Variants in DTNA observed in about 807,000 individuals in gnomAD.
The protein encoded by DTNA is dystrobrevin alpha, also known as dystrophin-related protein 3.
A neutral mutation model predicts 100.7 loss-of-function variants in DTNA; 43 were observed. The observed-to-expected ratio is 0.43, with a 90% confidence interval of 0.33 to 0.55. The LOEUF is 0.55. Among genes scored for constraint, DTNA ranks in the 20% least tolerant of loss-of-function variants. The pLI is 0.04. For missense variants in DTNA, 798 were observed against 953.9 expected (o/e 0.84, Z 2.15); for synonymous variants, 349 against 347.9 (o/e 1.00, Z -0.04).
chr18:34,517,967 C>G (rs2041813508), intron 1 of DTNA, among the ~76,000 whole-genome samples: 1 of 152,128 alleles, frequency 6.6e-6, no homozygotes, highest in African/African-American at 2.4e-5. Context: ...AAATGCCCAA[C>G]AGTGCAATTG....
chr18:34,768,244 G>C (rs1235021321), intron 3 of DTNA, among the ~76,000 whole-genome samples: 1 of 152,036 alleles, frequency 6.6e-6, no homozygotes, highest in Non-Finnish European at 1.5e-5. Flanking sequence ...GCCTTCCTTA[G>C]GCTCCTTTCA....
At chr18:34,694,997 C>T (rs1438656726) in intron 1 of DTNA, among the ~76,000 whole-genome samples, 1 of 152,168 alleles carries the variant, frequency 6.6e-6, no homozygotes, top group Non-Finnish European at 1.5e-5. Context: ...CGGAGCATGC[C>T]ACCACCTGAA....
At chr18:34,656,423 G>A (rs2144253862) in intron 1 of DTNA, among the ~76,000 whole-genome samples, 1 of 152,302 alleles carries the variant, frequency 6.6e-6, no homozygotes, top group South Asian at 2.1e-4. Context: ...TCTGACAATT[G>A]TGTCGTTTTC....
intron 1 of DTNA, among the ~76,000 whole-genome samples, chr18:34,510,429 G>A (rs1335242087): frequency 1.3e-5 from 2 of 151,644 alleles, no homozygotes; most frequent in African/African-American, 2.4e-5. Flanking sequence ...TGTGCTTCTC[G>A]AAGCTTTCAC....
intron 1 of DTNA, among the ~76,000 whole-genome samples, chr18:34,634,937 A>G (rs996067664): frequency 6.6e-6 from 1 of 152,196 alleles, no homozygotes; most frequent in East Asian, 1.9e-4. Context: ...TCATCAGTGC[A>G]AATGGTAACA....
intron 1 of DTNA, among the ~76,000 whole-genome samples, chr18:34,586,721 C>T (rs9958250): frequency 0.1 from 15,676 of 152,154 alleles, 1,176 homozygotes; most frequent in African/African-American, 0.21. Context: ...TGTATATTTT[C>T]ATTTTGCTCC....
intron 4 of DTNA, among the ~76,000 whole-genome samples, chr18:34,801,003 C>T (rs1241909159): frequency 1.3e-5 from 2 of 152,134 alleles, no homozygotes; most frequent in Admixed American, 1.3e-4. Flanking sequence ...TTTATTATGA[C>T]AAGTCAAATT....
intron 1 of DTNA, among the ~76,000 whole-genome samples, chr18:34,541,131 C>T (rs190870108): frequency 1.6e-4 from 25 of 152,154 alleles, no homozygotes; most frequent in Non-Finnish European, 3.4e-4. Flanking sequence ...CTTTTTCTAT[C>T]TCAAAACACC....
chr18:34,725,503 A>G (rs1411862394), intron 1 of DTNA, among the ~76,000 whole-genome samples: 2 of 152,228 alleles, frequency 1.3e-5, no homozygotes, highest in Non-Finnish European at 2.9e-5. Context: ...AAAAAAGCTC[A>G]TCATCACTGG....
chr18:34,817,426 T>C (rs1180664428), intron 7 of DTNA, among the ~76,000 whole-genome samples: 1 of 152,210 alleles, frequency 6.6e-6, no homozygotes. Flanking sequence ...AATATTTTAC[T>C]TTGCTTCAAA....
chr18:34,839,311 C>T (rs1361397369), intron 13 of DTNA, among the ~76,000 whole-genome samples: 2 of 152,314 alleles, frequency 1.3e-5, no homozygotes, highest in Middle Eastern at 3.4e-3. Flanking sequence ...ACAATGATAA[C>T]AGTGGGAACA....
chr18:34,646,051 T>C (rs2059800593), intron 1 of DTNA, among the ~76,000 whole-genome samples: 1 of 152,212 alleles, frequency 6.6e-6, no homozygotes, highest in African/African-American at 2.4e-5. Flanking sequence ...TTAGCTGGTA[T>C]TCTTTTTATG....
intron 1 of DTNA, among the ~76,000 whole-genome samples, chr18:34,528,538 T>C (rs2042857230): frequency 6.6e-6 from 1 of 152,018 alleles, no homozygotes; most frequent in Non-Finnish European, 1.5e-5. Flanking sequence ...CAAATGAGGA[T>C]ATACTCCGGA....
Position 34,889,657 on chromosome 18 carries a change from T to A in DTNA, c.*1923T>A. ...TTTGGTCAGACATCATCTCCTTGGC[T>A]GCCCTTTGAAACCAAATCACTTGCC... On this transcript the variant is annotated 3_prime_UTR_variant, in exon 23 of 23. Coordinates refer to ENST00000444659, the MANE Select transcript of DTNA (RefSeq NM_001386795.1). 2 of 985,812 alleles carry A rather than the reference T, an allele frequency of 2.0e-6. No individual in the cohort carries two copies. The highest frequency in any genetic ancestry group is 9.4e-5 in the South Asian group (2 of 21,280). 61.1% of individuals were successfully genotyped at this position (985,812 alleles called of 1,614,324 possible). A position where few individuals can be genotyped will look rare whatever the true frequency, so the allele number is the denominator to read the frequency against.
chr18:34,809,155 C>A (rs961624117), intron 5 of DTNA, among the ~76,000 whole-genome samples: 2 of 152,156 alleles, frequency 1.3e-5, no homozygotes, highest in African/African-American at 4.8e-5. Context: ...TTTCTAGTTT[C>A]TGTGATAATT....
intron 1 of DTNA, among the ~76,000 whole-genome samples, chr18:34,642,294 AGCTGGGTGTCTCTGAGAAACTCCCAC>A (rs2059361662): frequency 6.6e-6 from 1 of 152,166 alleles, no homozygotes; most frequent in Admixed American, 6.5e-5. Context: ...CCCAACTGGA[AGCTGGGTGTCTCTGAGAAACTCCCAC>A]CCTTCATGTT....
chr18:34,699,105 C>G (rs910832577), intron 1 of DTNA, among the ~76,000 whole-genome samples: 6 of 151,686 alleles, frequency 4.0e-5, no homozygotes, highest in African/African-American at 1.5e-4. Context: ...GAGGGACACT[C>G]CTTGTATTAG....
intron 3 of DTNA, among the ~76,000 whole-genome samples, chr18:34,772,879 G>C (rs2093852560): frequency 6.6e-6 from 1 of 152,200 alleles, no homozygotes. Flanking sequence ...TTGGGATCAA[G>C]GTTCTCTTCT....
At chr18:34,614,660 A>G (rs1214703351) in intron 1 of DTNA, among the ~76,000 whole-genome samples, 1 of 152,198 alleles carries the variant, frequency 6.6e-6, no homozygotes, top group Non-Finnish European at 1.5e-5. Flanking sequence ...AAGAAATAGA[A>G]TTAGAAGTAG....
Sources: allele counts gnomAD v4.1 joint callset (sites outside exome capture counted in the v4.1 genomes callset), GRCh38; gene constraint gnomAD v4.1.1; transcripts MANE v1.5; gene names NCBI Gene and HGNC (gene_info 2026-07-23, HGNC 2026-07-21).